THOC2: variants seen among roughly 807,000 people sequenced by gnomAD.
THOC2 encodes THO complex 2.
A neutral mutation model predicts 128.4 loss-of-function variants in THOC2; 10 were observed. That is an observed-to-expected ratio of 0.08 (90% CI 0.05 to 0.13). THOC2 has a LOEUF of 0.13. Among genes scored for constraint, THOC2 ranks in the 10% least tolerant of loss-of-function variants. The pLI is 1.00. For synonymous variants in THOC2, 393 were observed against 396.9 expected (o/e 0.99, Z 0.12); for missense variants, 535 against 1,155.7 (o/e 0.46, Z 7.79).
At chrX:123,603,535 C>A in intron 38 of THOC2, 1 of 876,056 alleles carries the variant, frequency 1.1e-6, no homozygotes, top group Non-Finnish European at 1.7e-6. Flanking sequence ...AAGAAACTGC[C>A]TGGAGGTGAA....
Position 123,686,923 on chromosome X carries a change from G to A in THOC2, c.602-209C>T, listed in dbSNP as rs768371083. ...TGTGACTTTCCCAGAATCACAGAACGGGTTAATGACAGAGCTGGGTCAGTA... is the reference window on the plus strand; with the variant it reads ...TGTGACTTTCCCAGAATCACAGAACAGGTTAATGACAGAGCTGGGTCAGTA... On this transcript the variant is annotated intron_variant, in intron 7 of 38. Coordinates refer to ENST00000245838, the MANE Select transcript of THOC2 (RefSeq NM_001081550.2). Among the ~76,000 whole-genome samples, 4 of 111,872 alleles carry A rather than the reference G, an allele frequency of 3.6e-5. No individual in the cohort carries two copies. The South Asian group carries it at 1.1e-3, about 31-fold the overall frequency.
At chrX:123,698,874 C>CAA (rs533845016) in intron 4 of THOC2, among the ~76,000 whole-genome samples, 1 of 78,057 alleles carries the variant, frequency 1.3e-5, no homozygotes, top group African/African-American at 4.7e-5. Flanking sequence ...GACTCTGTCT[C>CAA]AAAAAAAAAA....
chrX:123,642,641 G>A (rs1056669034), intron 15 of THOC2, among the ~76,000 whole-genome samples: 3 of 109,043 alleles, frequency 2.8e-5, no homozygotes, highest in African/African-American at 1.0e-4. Flanking sequence ...CTCCAGCGCT[G>A]GGAGGTCAAG....
chrX:123,665,654 T>C lies in THOC2; in HGVS notation c.1374A>G (p.Ser458=), dbSNP rs1238232031. 1 of 1,151,241 alleles carries C rather than the reference T, an allele frequency of 8.7e-7. No homozygotes were observed. The highest frequency in any genetic ancestry group is 1.2e-6 in the Non-Finnish European group (1 of 863,161). The allele number at this position is 1,151,241 out of a possible 1,213,427, so 94.9% of individuals were successfully genotyped here. A position where few individuals can be genotyped will look rare whatever the true frequency, so the allele number is the denominator to read the frequency against. The change falls in exon 12 of 39, where the codon TCA becomes TCG. Residue 458 remains serine (S), a synonymous_variant. Transcript: ENST00000245838. The part of the protein sequence containing the change: ...LFAKVVRIGK[S]FMKEFQSDGS... ...AAATCTTACTTACCTCCTTCATAAA[T>C]GACTTGCCTATGCGCACCACTTTTG...
At chrX:123,667,897 A>G (rs2049111644) in intron 10 of THOC2, among the ~76,000 whole-genome samples, 2 of 111,376 alleles carry the variant, frequency 1.8e-5, no homozygotes, top group African/African-American at 6.5e-5. Flanking sequence ...TAATACACAG[A>G]GGACAATTAA....
intron 8 of THOC2, among the ~76,000 whole-genome samples, chrX:123,678,127 T>C (rs1286057341): frequency 9.0e-6 from 1 of 111,028 alleles, no homozygotes; most frequent in African/African-American, 3.3e-5. Context: ...TGTCACTCTT[T>C]TCAGAAATAT....
chrX:123,684,882 G>C (rs186181539), intron 8 of THOC2, among the ~76,000 whole-genome samples: 184 of 112,084 alleles, frequency 1.6e-3, no homozygotes, highest in African/African-American at 5.8e-3. Context: ...AATACTAAAA[G>C]GAATTATCTT....
At chrX:123,680,506 C>A (rs1176139389) in intron 8 of THOC2, among the ~76,000 whole-genome samples, 2 of 109,894 alleles carry the variant, frequency 1.8e-5, no homozygotes, top group African/African-American at 6.6e-5. Flanking sequence ...GTATGCTGAA[C>A]GCCGGTCCCC....
chrX:123,615,759 C>T (rs1435333284), intron 33 of THOC2, among the ~76,000 whole-genome samples: 2 of 110,149 alleles, frequency 1.8e-5, no homozygotes, highest in South Asian at 7.6e-4. Flanking sequence ...CTAGAACTTA[C>T]TTCTGGCATT....
At chrX:123,664,836 T>C (rs2048987607) in intron 12 of THOC2, among the ~76,000 whole-genome samples, 1 of 111,551 alleles carries the variant, frequency 9.0e-6, no homozygotes, top group Non-Finnish European at 1.9e-5. Context: ...TTTCCGTATG[T>C]ATGTTTTATT....
At chrX:123,726,760 C>T (rs1212731283) in intron 1 of THOC2, among the ~76,000 whole-genome samples, 1 of 111,846 alleles carries the variant, frequency 8.9e-6, no homozygotes, top group Admixed American at 9.5e-5. Flanking sequence ...CAAACATGTT[C>T]ATTAGGACAC....
intron 2 of THOC2, among the ~76,000 whole-genome samples, chrX:123,708,400 G>A (rs1300625931): frequency 9.0e-6 from 1 of 111,525 alleles, no homozygotes; most frequent in Non-Finnish European, 1.9e-5. Flanking sequence ...GGTATCGCAG[G>A]TATAAGAGGT....
intron 15 of THOC2, among the ~76,000 whole-genome samples, chrX:123,642,562 A>T (rs1464254400): frequency 9.0e-6 from 1 of 110,952 alleles, no homozygotes; most frequent in Non-Finnish European, 1.9e-5. Flanking sequence ...AAGAGCAATC[A>T]ACAGAACAGT....
At chrX:123,681,890 C>T (rs1454984985) in intron 8 of THOC2, among the ~76,000 whole-genome samples, 2 of 111,575 alleles carry the variant, frequency 1.8e-5, no homozygotes, top group East Asian at 2.8e-4. Flanking sequence ...AGAAACCCCA[C>T]CTCTACTAAA....
In THOC2 at chrX:123,686,453, T is replaced by A. The variant is rs1312434594; in HGVS notation, c.768+95A>T. On this transcript the variant is annotated intron_variant, in intron 8 of 38. Transcript: ENST00000245838. The stretch of plus-strand genomic sequence containing the variant: ...ATCTCTTCTGCTAGAACACCTGAGA[T>A]GAGACCAATCATTTACAAATAAAAC... The A allele has an allele frequency of 4.2e-6, 3 of 710,025 alleles. No homozygotes were observed. In the African/African-American group the frequency reaches 6.5e-5, roughly 15 times the overall value. 58.5% of individuals were successfully genotyped at this position (710,025 alleles called of 1,213,427 possible).
chrX:123,695,100 CCTT>C (rs2050398189), intron 7 of THOC2, among the ~76,000 whole-genome samples: 1 of 112,006 alleles, frequency 8.9e-6, no homozygotes, highest in African/African-American at 3.2e-5. Flanking sequence ...GATTGGGACA[CCTT>C]CTCCCTCTTT....
At chrX:123,681,195 A>G (rs2049762830) in intron 8 of THOC2, among the ~76,000 whole-genome samples, 1 of 111,961 alleles carries the variant, frequency 8.9e-6, no homozygotes, top group African/African-American at 3.2e-5. Context: ...GCTAATAAAT[A>G]TATAGGGCAT....
chrX:123,621,660 T>G, intron 30 of THOC2, 73 bp from the exon 31 acceptor site: 1 of 812,664 alleles, frequency 1.2e-6, no homozygotes, highest in Non-Finnish European at 1.7e-6. Flanking sequence ...ATAAAATATA[T>G]CATAAAGGGT....
intron 36 of THOC2, among the ~76,000 whole-genome samples, chrX:123,612,284 T>TC (rs2046728482): frequency 9.0e-6 from 1 of 111,661 alleles, no homozygotes; most frequent in South Asian, 3.7e-4. Flanking sequence ...AATTCAAAAG[T>TC]CCATCAACTG....
Sources: gnomAD v4.1 joint callset for allele counts (sites outside exome capture counted in the v4.1 genomes callset) on GRCh38, gnomAD v4.1.1 for gene constraint, MANE v1.5 for transcripts, NCBI Gene and HGNC (gene_info 2026-07-23, HGNC 2026-07-21) for gene names.